NLRP4: variants seen among roughly 807,000 people sequenced by gnomAD.
NLRP4 encodes the protein NACHT, LRR and PYD domains-containing protein 4.
NLRP4 carries 44 observed loss-of-function variants against 84.7 expected under a neutral mutation model. The observed-to-expected ratio is 0.52, with a 90% CI of 0.41 to 0.67. The LOEUF (loss-of-function observed/expected upper bound fraction) is 0.67. Ranked by LOEUF, NLRP4 falls within the 30% of genes least tolerant of loss-of-function variation. The pLI, the probability that NLRP4 is intolerant of heterozygous loss-of-function variation, is 0.00. For synonymous variants in NLRP4, 544 were observed against 476.4 expected (o/e 1.14, Z -1.85); for missense variants, 1,260 against 1,219.4 (o/e 1.03, Z -0.50).
In NLRP4 at chr19:55,858,858, G is replaced by T; in HGVS notation, c.1465G>T (p.Glu489Ter). 1 of 1,614,116 alleles carries T rather than the reference G, an allele frequency of 6.2e-7. No individual in the cohort carries two copies. The highest frequency in any genetic ancestry group is 8.5e-7 in the Non-Finnish European group (1 of 1,179,986). The change falls in exon 3 of 10, where the codon GAA becomes TAA. Residue 489 changes from glutamate to a stop codon, truncating the protein, a stop_gained. Transcript: ENST00000301295. LOFTEE classifies it high-confidence loss of function. The surrounding 1 kb of genome is among the most constrained non-coding windows in gnomAD (Gnocchi z 4.2). ...CVQELLVANFEKARRAHWIFL... is the reference protein window; with the variant it reads ...CVQELLVANF ...ACAGGAATTGCTAGTTGCCAATTTT[G>T]AAAAAGCAAGGAGAGCACATTGGAT...
At position 55,881,136 on chromosome 19, in the gene NLRP4, CGTGTGTGT is replaced by C. The variant is rs56806641; in HGVS notation, c.2868-311_2868-304del. ...AGCTCCTACAAGCTGGTGAGAGCCA[CGTGTGTGT>C]GTGTGTGTGTGTGTGTGTGTGTACC... is the stretch of plus-strand genomic sequence containing the variant. On this transcript the variant is annotated intron_variant, in intron 9 of 9. Coordinates refer to ENST00000301295, the MANE Select transcript of NLRP4 (RefSeq NM_134444.5). 5.0e-5 allele frequency among the ~76,000 whole-genome samples: 7 copies of C among 139,582 alleles called. No homozygotes were observed. The East Asian group carries it at 1.4e-3, about 27-fold the overall frequency. 91.6% of individuals were successfully genotyped at this position (139,582 alleles called of 152,430 possible).
intron 1 of NLRP4, among the ~76,000 whole-genome samples, chr19:55,845,133 G>A (rs1003549071): frequency 4.0e-5 from 6 of 150,224 alleles, no homozygotes; most frequent in South Asian, 2.1e-4. Context: ...CCATTAACTC[G>A]TCATTTAGCA....
At chr19:55,868,733 T>G (rs902254512) in intron 6 of NLRP4, among the ~76,000 whole-genome samples, 5 of 152,084 alleles carry the variant, frequency 3.3e-5, no homozygotes, top group African/African-American at 1.2e-4. Context: ...AGTGTGTCTA[T>G]TTTTTAAATA....
Position 55,858,611 on chromosome 19 carries a change from T to A in NLRP4, c.1218T>A (p.Gly406=). The A allele has an allele frequency of 6.2e-7, 1 of 1,614,144 alleles. No individual in the cohort carries two copies. The highest frequency in any genetic ancestry group is 8.5e-7 in the Non-Finnish European group (1 of 1,180,032). The change falls in exon 3 of 10, where the codon GGT becomes GGA. Residue 406 remains glycine (G), a synonymous_variant. Coordinates refer to ENST00000301295, the MANE Select transcript of NLRP4 (RefSeq NM_134444.5). This position sits in a 1 kb window ranked among gnomAD's most constrained non-coding sequence, Gnocchi z 4.2. ...CCCTGTGCTCCCTGGCTGCAGAGGG[T>A]ATGTGGACAGACACATTTGAGTTTT... ...LKALCSLAAE[G]MWTDTFEFCE...
At chr19:55,846,931 TATTTA>T (rs1164295784) in intron 1 of NLRP4, among the ~76,000 whole-genome samples, 1 of 152,124 alleles carries the variant, frequency 6.6e-6, no homozygotes, top group African/African-American at 2.4e-5. Context: ...TTGTGGGTTT[TATTTA>T]TTTATTTTGA....
Position 55,878,892 on chromosome 19 carries a change from C to T in NLRP4, c.2795C>T (p.Thr932Ile), listed in dbSNP as rs948990031. 9 of 1,613,874 alleles carry T rather than the reference C, an allele frequency of 5.6e-6. No individual in the cohort carries two copies. In the African/African-American group the frequency reaches 6.7e-5, roughly 12 times the overall value. Residue 932 changes from threonine (T) to isoleucine (I), a missense_variant, in exon 9 of 10, where the codon ACC (threonine) becomes ATC (isoleucine). This residue lies in a region of NLRP4 where 544 missense variants were observed against 531.7 expected (regional missense o/e 1.02). Transcript: ENST00000301295. ...TLQQLNLTLN[T>I]LDHTGVVVLC... ...CAGCAGCTCAACCTGACCTTGAACA[C>T]CTTGGACCACACAGGGGTGGTTGTA...
chr19:55,863,274 C>T (rs1176649567), intron 5 of NLRP4, among the ~76,000 whole-genome samples: 2 of 152,090 alleles, frequency 1.3e-5, no homozygotes, highest in African/African-American at 2.4e-5. Flanking sequence ...GTTGGAGGTT[C>T]GGGCAGTGTA....
intron 5 of NLRP4, among the ~76,000 whole-genome samples, chr19:55,866,501 T>C (rs905796613): frequency 1.3e-5 from 2 of 152,164 alleles, no homozygotes; most frequent in Admixed American, 6.5e-5. Flanking sequence ...TCTGAGCTTA[T>C]TTTTTGTGGC....
intron 1 of NLRP4, among the ~76,000 whole-genome samples, chr19:55,849,594 G>A (rs540032356): frequency 4.2e-4 from 64 of 152,226 alleles, no homozygotes; most frequent in African/African-American, 1.5e-3. Context: ...AGCCAGGGAG[G>A]GACTTCCAGT....
At chr19:55,867,578 G>C in intron 5 of NLRP4, 131 bp from the exon 6 acceptor site, 1 of 740,078 alleles carries the variant, frequency 1.4e-6, no homozygotes, top group Non-Finnish European at 2.3e-6. Context: ...CAGGGATCAA[G>C]AACAGGGTTG....
chr19:55,853,961 C>A (rs1984306936), intron 2 of NLRP4, among the ~76,000 whole-genome samples: 1 of 150,156 alleles, frequency 6.7e-6, no homozygotes. Context: ...CTCTCTATTT[C>A]TCTCTTTCCT....
chr19:55,876,757 G>A (rs1203855793), intron 7 of NLRP4, among the ~76,000 whole-genome samples: 2 of 152,154 alleles, frequency 1.3e-5, no homozygotes, highest in East Asian at 3.8e-4. Context: ...TAAATGTTGT[G>A]TGAACAGTTG....
chr19:55,864,993 TAAA>T (rs1239954062), intron 5 of NLRP4, among the ~76,000 whole-genome samples: 6 of 152,202 alleles, frequency 3.9e-5, no homozygotes, highest in African/African-American at 1.2e-4. Flanking sequence ...AACAACATTT[TAAA>T]AAACTTTTAT....
chr19:55,843,079 T>C (rs1300886183), intron 1 of NLRP4, among the ~76,000 whole-genome samples: 2 of 152,172 alleles, frequency 1.3e-5, no homozygotes, highest in East Asian at 3.9e-4. Context: ...AAGATTATTT[T>C]ATTCTGGTTA....
At chr19:55,861,892 C>A in intron 4 of NLRP4, 100 bp from the exon 5 acceptor site, 1 of 873,700 alleles carries the variant, frequency 1.1e-6, no homozygotes, top group Non-Finnish European at 1.9e-6. Flanking sequence ...GCTGTGAAAT[C>A]AGAGAATGAG....
chr19:55,838,374 C>T (rs1273434524), intron 1 of NLRP4, among the ~76,000 whole-genome samples: 1 of 151,708 alleles, frequency 6.6e-6, no homozygotes. Context: ...AATTACATAG[C>T]TGCAAACCAA....
chr19:55,855,683 A>C (rs549720894), intron 2 of NLRP4, among the ~76,000 whole-genome samples: 5 of 152,224 alleles, frequency 3.3e-5, no homozygotes, highest in Non-Finnish European at 7.3e-5. Flanking sequence ...TCCCATCTAC[A>C]ACTGCCCCCT....
intron 1 of NLRP4, among the ~76,000 whole-genome samples, chr19:55,844,338 CA>C (rs1194534070): frequency 1.3e-5 from 2 of 151,930 alleles, no homozygotes; most frequent in African/African-American, 4.8e-5. Flanking sequence ...GGCTGGAGTG[CA>C]GTGGCATGAT....
chr19:55,858,213 T>G lies in NLRP4; in HGVS notation c.820T>G (p.Ser274Ala). 3 of 1,614,132 alleles carry G rather than the reference T, an allele frequency of 1.9e-6. No individual in the cohort carries two copies. The highest frequency in any genetic ancestry group is 2.5e-6 in the Non-Finnish European group (3 of 1,180,018). Residue 274 changes from serine to alanine, a missense_variant, in exon 3 of 10, where the codon TCC becomes GCC. By Grantham distance (99) the Ser-to-Ala change is moderately conservative. This residue lies in a region of NLRP4 where 712 missense variants were observed against 669.2 expected (regional missense o/e 1.06). Coordinates refer to ENST00000301295, the MANE Select transcript of NLRP4 (RefSeq NM_134444.5). The surrounding 1 kb of genome is among the most constrained non-coding windows in gnomAD (Gnocchi z 4.2). ...GAGGAAGAAGATGCTCCCGGAGGCC[T>G]CCCTGCTCATCGCTATCAAACCCGT... ...LLRKKMLPEA[S>A]LLIAIKPVCP...
Sources: gnomAD v4.1 joint callset for allele counts (sites outside exome capture counted in the v4.1 genomes callset) on GRCh38, gnomAD v4.1.1 for gene constraint, gnomAD v4.1.1 regional missense constraint, Gnocchi (gnomAD v3.1) non-coding constraint, MANE v1.5 for transcripts, NCBI Gene and HGNC (gene_info 2026-07-23, HGNC 2026-07-21) for gene names.